The following ADCY9 variants were observed in gnomAD, a reference collection of about 807,000 sequenced individuals.
ADCY9 encodes adenylate cyclase type 9.
A neutral mutation model predicts 101.5 loss-of-function variants in ADCY9; 50 were observed. The ratio of observed to expected loss-of-function variants is 0.49; its 90% CI spans 0.39 to 0.62. The LOEUF (loss-of-function observed/expected upper bound fraction) is 0.62, where lower values mean the gene tolerates loss of function less well. ADCY9 is among the 20% of genes least tolerant of loss of function. The probability of loss-of-function intolerance (pLI) is 0.00; values close to 1 mark genes in which losing one functional copy is unlikely to be tolerated. For missense variants in ADCY9, 1,662 were observed against 1,800.4 expected, an observed-to-expected ratio of 0.92 and a Z score of 1.39; for synonymous variants, 905 against 769.3, an observed-to-expected ratio of 1.18 and a Z score of -2.92.
chr16:4,092,795 G>A (rs918717023), intron 2 of ADCY9, among the ~76,000 whole-genome samples: 11 of 152,104 alleles, frequency 7.2e-5, no homozygotes, highest in African/African-American at 1.9e-4. Context: ...TCCATCAAAC[G>A]ATATCTGCAG....
intron 3 of ADCY9, among the ~76,000 whole-genome samples, chr16:4,001,885 A>C (rs546420707): frequency 6.6e-6 from 1 of 152,064 alleles, no homozygotes; most frequent in East Asian, 1.9e-4. Flanking sequence ...AGTAGCTGGG[A>C]CTACAGGCAC....
intron 9 of ADCY9, 130 bp from the exon 10 acceptor site, chr16:3,974,840 G>C: frequency 1.5e-6 from 1 of 674,600 alleles, no homozygotes; most frequent in East Asian, 2.7e-5. Flanking sequence ...AAAGCCACCT[G>C]CTCCCACCTC....
At chr16:4,000,023 C>A (rs961870706) in intron 3 of ADCY9, among the ~76,000 whole-genome samples, 3 of 152,282 alleles carry the variant, frequency 2.0e-5, no homozygotes, top group East Asian at 1.9e-4. Flanking sequence ...AGTAGAAGAG[C>A]CCTGGCTTTG....
chr16:4,029,214 T>A (rs2056538204), intron 2 of ADCY9, among the ~76,000 whole-genome samples: 1 of 152,120 alleles, frequency 6.6e-6, no homozygotes, highest in African/African-American at 2.4e-5. Context: ...GGAAATAATA[T>A]TATAGTTTCA....
At chr16:4,057,794 C>A (rs1303512285) in intron 2 of ADCY9, among the ~76,000 whole-genome samples, 2 of 152,104 alleles carry the variant, frequency 1.3e-5, no homozygotes, top group Non-Finnish European at 2.9e-5. Context: ...GTGGCCAGCA[C>A]GTTCCAACCC....
At chr16:3,978,742 C>T (rs919292775) in intron 8 of ADCY9, among the ~76,000 whole-genome samples, 2 of 152,142 alleles carry the variant, frequency 1.3e-5, no homozygotes, top group Admixed American at 6.6e-5. Context: ...TATTTTGTGA[C>T]GCAGTCTCGC....
intron 2 of ADCY9, among the ~76,000 whole-genome samples, chr16:4,097,487 T>TATATACACACACACACAC (rs76750792): frequency 3.0e-3 from 219 of 72,426 alleles, no homozygotes; most frequent in Non-Finnish European, 4.1e-3. Context: ...TATATATATA[T>TATATACACACACACACAC]ACACACACAC....
intron 2 of ADCY9, among the ~76,000 whole-genome samples, chr16:4,049,687 C>T (rs560599455): frequency 7.2e-5 from 11 of 152,256 alleles, no homozygotes; most frequent in African/African-American, 2.2e-4. Context: ...TCATGTCCAC[C>T]GTCCCTTTAC....
chr16:4,026,203 T>C (rs998938323), intron 2 of ADCY9, among the ~76,000 whole-genome samples: 2 of 152,092 alleles, frequency 1.3e-5, no homozygotes, highest in African/African-American at 4.8e-5. Flanking sequence ...GGCAGGTGGA[T>C]CACCTGAGGT....
chr16:3,982,946 C>G (rs1199917493), intron 7 of ADCY9: 3 of 482,206 alleles, frequency 6.2e-6, no homozygotes, highest in Non-Finnish European at 1.1e-5. Context: ...TTCTCACCTT[C>G]TCCTTTGCAG....
chr16:4,070,382 A>G (rs1322514325), intron 2 of ADCY9, among the ~76,000 whole-genome samples: 5 of 152,360 alleles, frequency 3.3e-5, no homozygotes, highest in East Asian at 3.9e-4. Context: ...TTTCTCTACC[A>G]GTAAAGAATA....
intron 2 of ADCY9, among the ~76,000 whole-genome samples, chr16:4,034,314 A>G (rs1417405390): frequency 6.6e-6 from 1 of 152,210 alleles, no homozygotes; most frequent in African/African-American, 2.4e-5. Flanking sequence ...TTCCAAATCA[A>G]GTAAATAGCA....
At position 4,114,634 on chromosome 16, in the gene ADCY9, G is replaced by A. The variant is rs932826873; in HGVS notation, c.809C>T (p.Pro270Leu). The change falls in exon 2 of 11, where the codon CCC (proline) becomes CTC (leucine). Residue 270 changes from proline (P) to leucine (L), a missense_variant. Around this residue, in one of 5 missense-constraint regions of ADCY9, gnomAD observed 422 missense variants for 392.0 expected, o/e 1.08. Coordinates refer to ENST00000294016, the MANE Select transcript of ADCY9 (RefSeq NM_001116.4). This position sits in a 1 kb window ranked among gnomAD's most constrained non-coding sequence, Gnocchi z 4.3. The stretch of plus-strand genomic sequence containing the variant: ...GTGCAGGGCCCCGGCTCCGGGCGAG[G>A]GGAAGCAGGCTTCATCCCGGAAATG... ...GYHFRDEACF[P>L]SPGAGALHWE... The A allele has an allele frequency of 2.2e-5, 36 of 1,613,440 alleles. No individual in the cohort carries two copies. Among genetic ancestry groups the A allele is most frequent in the African/African-American group, 8.0e-5 (6 of 74,936 alleles).
chr16:4,082,670 G>A (rs1029163490), intron 2 of ADCY9, among the ~76,000 whole-genome samples: 1 of 146,892 alleles, frequency 6.8e-6, no homozygotes, highest in Non-Finnish European at 1.5e-5. Flanking sequence ...GCACACCCAT[G>A]CACACCCATG....
chr16:3,985,158 T>G (rs1328577070), intron 6 of ADCY9, among the ~76,000 whole-genome samples: 1 of 148,502 alleles, frequency 6.7e-6, no homozygotes, highest in Non-Finnish European at 1.5e-5. Flanking sequence ...TTTTTTTTTT[T>G]TTGAGATGGG....
At chr16:4,020,292 T>C (rs2056466296) in intron 2 of ADCY9, among the ~76,000 whole-genome samples, 1 of 152,080 alleles carries the variant, frequency 6.6e-6, no homozygotes, top group African/African-American at 2.4e-5. Flanking sequence ...TAGGAAGCAG[T>C]GAAGATCCAC....
At position 3,966,096 on chromosome 16, in the gene ADCY9, A is replaced by G; in HGVS notation, c.3741T>C (p.Asp1247=). 1 of 1,614,198 alleles carries G rather than the reference A, an allele frequency of 6.2e-7. No individual in the cohort carries two copies. The highest frequency in any genetic ancestry group is 1.1e-5 in the South Asian group (1 of 91,082). Residue 1247 remains aspartate, a synonymous_variant, in exon 11 of 11, where the codon GAT becomes GAC. Coordinates refer to ENST00000294016, the MANE Select transcript of ADCY9 (RefSeq NM_001116.4). ...MKTYLYPKCT[D]HRVIPQHQLS... ...GCTGGTGCTGTGGGATGACCCTGTGATCCGTGCACTTTGGGTACAGGTAGG... is the reference window on the plus strand; with the variant it reads ...GCTGGTGCTGTGGGATGACCCTGTGGTCCGTGCACTTTGGGTACAGGTAGG...
chr16:3,990,333 G>A (rs1176846134), intron 5 of ADCY9, among the ~76,000 whole-genome samples: 1 of 152,120 alleles, frequency 6.6e-6, no homozygotes, highest in Non-Finnish European at 1.5e-5. Flanking sequence ...AGGCCTGGTG[G>A]CAGGTGCCTG....
rs1597237062 is a variant in ADCY9 at position 4,114,694 on chromosome 16, A to G, written c.749T>C (p.Val250Ala). The G allele has an allele frequency of 1.2e-6, 2 of 1,613,136 alleles. No homozygotes were observed. Among genetic ancestry groups the G allele is most frequent in the Non-Finnish European group, 1.7e-6 (2 of 1,180,028 alleles). ...LPLYLSLCLG[V>A]AYSVLFETFG... ...GGTCTCGAAAAGGACAGAGTAGGCC[A>G]CCCCCAGACACAAACTCAGGTACAA... Residue 250 changes from valine to alanine, a missense_variant, in exon 2 of 11, where the codon GTG becomes GCG. Val to Ala is a moderately conservative substitution (Grantham distance 64). Around this residue, in one of 5 missense-constraint regions of ADCY9, gnomAD observed 422 missense variants for 392.0 expected, o/e 1.08. Coordinates refer to ENST00000294016, the MANE Select transcript of ADCY9 (RefSeq NM_001116.4). This position sits in a 1 kb window ranked among gnomAD's most constrained non-coding sequence, Gnocchi z 4.3.
Sources: gnomAD v4.1 joint callset for allele counts (sites outside exome capture counted in the v4.1 genomes callset) on GRCh38, gnomAD v4.1.1 for gene constraint, gnomAD v4.1.1 regional missense constraint, Gnocchi (gnomAD v3.1) non-coding constraint, MANE v1.5 for transcripts, NCBI Gene and HGNC (gene_info 2026-07-23, HGNC 2026-07-21) for gene names.